Variants in SUGCT observed in about 807,000 individuals in gnomAD.
The protein encoded by SUGCT is succinyl-CoA:glutarate CoA-transferase.
In SUGCT, 41 loss-of-function variants were observed where a neutral mutation model predicts 55.0. The ratio of observed to expected loss-of-function variants is 0.74; its 90% CI spans 0.58 to 0.97. The LOEUF (loss-of-function observed/expected upper bound fraction) is 0.97, where lower values mean the gene tolerates loss of function less well. Ranked by LOEUF, SUGCT falls within the 50% of genes least tolerant of loss-of-function variation. The pLI is 0.00. For missense variants in SUGCT, 568 were observed against 547.8 expected, an observed-to-expected ratio of 1.04 and a Z score of -0.37; for synonymous variants, 187 against 200.4, an observed-to-expected ratio of 0.93 and a Z score of 0.56.
At chr7:40,854,483 T>C (rs1014082153) in intron 13 of SUGCT, among the ~76,000 whole-genome samples, 4 of 143,626 alleles carry the variant, frequency 2.8e-5, no homozygotes, top group South Asian at 2.2e-4. Context: ...TTTCTCTTTC[T>C]CTCTTTCTTT....
chr7:40,612,151 A>G (rs1221180939), intron 12 of SUGCT, among the ~76,000 whole-genome samples: 1 of 152,144 alleles, frequency 6.6e-6, no homozygotes, highest in Non-Finnish European at 1.5e-5. Context: ...CCGTTTTTCA[A>G]AGTACTTTAT....
At chr7:40,989,177 T>C in the SUGCT span, among the ~76,000 whole-genome samples, 111,393 of 152,014 alleles carry the variant, frequency 0.73, 41,207 homozygotes, top group Middle Eastern at 0.82. Flanking sequence ...CTAAATATGA[T>C]GACAATGAAT....
intron 9 of SUGCT, among the ~76,000 whole-genome samples, chr7:40,434,423 C>A (rs1788062798): frequency 6.6e-6 from 1 of 151,708 alleles, no homozygotes; most frequent in African/African-American, 2.4e-5. Context: ...TTCCTATAGT[C>A]ACACATAGAA....
intron 1 of SUGCT, among the ~76,000 whole-genome samples, chr7:40,167,746 G>A (rs1784486812): frequency 6.6e-6 from 1 of 152,212 alleles, no homozygotes; most frequent in South Asian, 2.1e-4. Flanking sequence ...GGCAATGGGT[G>A]CCTCACTGGA....
intron 1 of SUGCT, among the ~76,000 whole-genome samples, chr7:40,165,885 C>T (rs1173520960): frequency 2.0e-5 from 3 of 152,110 alleles, no homozygotes; most frequent in Non-Finnish European, 2.9e-5. Flanking sequence ...TTTGGGAGGC[C>T]GAGGCTGGTG....
chr7:40,214,182 T>C (rs2150802357), intron 6 of SUGCT, among the ~76,000 whole-genome samples: 1 of 152,286 alleles, frequency 6.6e-6, no homozygotes, highest in Admixed American at 6.5e-5. Flanking sequence ...TTCTTACTGA[T>C]AGAGTTTAAA....
the SUGCT span, among the ~76,000 whole-genome samples, chr7:40,917,299 A>G: frequency 6.6e-6 from 1 of 152,244 alleles, no homozygotes; most frequent in African/African-American, 2.4e-5. Flanking sequence ...CCTTTAGAAG[A>G]AGGAGCAGTT....
At chr7:40,293,704 T>A (rs1283042561) in intron 8 of SUGCT, among the ~76,000 whole-genome samples, 1 of 152,198 alleles carries the variant, frequency 6.6e-6, no homozygotes, top group Non-Finnish European at 1.5e-5. Context: ...TGTTTTAGGG[T>A]AAACCTGCAA....
At chr7:40,889,611 G>A in the SUGCT span, among the ~76,000 whole-genome samples, 1 of 152,220 alleles carries the variant, frequency 6.6e-6, no homozygotes, top group Non-Finnish European at 1.5e-5. Flanking sequence ...CCCAGGCTGA[G>A]ATCTCTTTCT....
At chr7:40,538,009 T>C (rs1488006679) in intron 12 of SUGCT, 1 of 152,190 alleles carries the variant, frequency 6.6e-6, no homozygotes, top group Non-Finnish European at 1.5e-5. Flanking sequence ...TATGAAACAT[T>C]GTTTCCTTTG....
chr7:40,712,736 C>T (rs1785791675), intron 12 of SUGCT, among the ~76,000 whole-genome samples: 1 of 152,240 alleles, frequency 6.6e-6, no homozygotes, highest in Non-Finnish European at 1.5e-5. Context: ...GAGTCTCTTA[C>T]CTGAGGCCAC....
intron 12 of SUGCT, among the ~76,000 whole-genome samples, chr7:40,549,826 T>A (rs906113551): frequency 6.6e-6 from 1 of 151,412 alleles, no homozygotes; most frequent in Non-Finnish European, 1.5e-5. Context: ...ATGAGGGGAG[T>A]GGACAGTGGA....
intron 6 of SUGCT, among the ~76,000 whole-genome samples, chr7:40,198,335 T>C (rs567000502): frequency 3.0e-4 from 45 of 152,334 alleles, no homozygotes; most frequent in African/African-American, 1.1e-3. Flanking sequence ...CTTAGACATA[T>C]CAATAAGTAA....
the SUGCT span, among the ~76,000 whole-genome samples, chr7:40,980,384 C>A: frequency 7.2e-5 from 11 of 152,060 alleles, no homozygotes; most frequent in African/African-American, 2.4e-4. Context: ...AAATTCATGC[C>A]CTTATTGCAT....
intron 12 of SUGCT, among the ~76,000 whole-genome samples, chr7:40,565,987 A>ACACG (rs1554368985): frequency 4.3e-5 from 4 of 94,016 alleles, no homozygotes; most frequent in African/African-American, 2.1e-4. Context: ...ACACACACAC[A>ACACG]CACACGCACA....
At chr7:40,249,172 G>C (rs1790135301) in intron 7 of SUGCT, among the ~76,000 whole-genome samples, 1 of 150,948 alleles carries the variant, frequency 6.6e-6, no homozygotes, top group Non-Finnish European at 1.5e-5. Context: ...TGAACCTGCA[G>C]TCCCAGCTAC....
At chr7:40,815,849 C>A (rs767909017) in intron 13 of SUGCT, among the ~76,000 whole-genome samples, 1 of 152,114 alleles carries the variant, frequency 6.6e-6, no homozygotes, top group Non-Finnish European at 1.5e-5. Context: ...GTGAATGGAG[C>A]GGCAAGAGCT....
At chr7:40,242,934 T>TATATATATGTATATGTATA (rs1491495282) in intron 7 of SUGCT, among the ~76,000 whole-genome samples, 1 of 18,044 alleles carries the variant, frequency 5.5e-5, no homozygotes, top group African/African-American at 1.9e-4. Flanking sequence ...TATATATATA[T>TATATATATGTATATGTATA]TTTTTTTTTT....
chr7:40,178,283 C>G (rs10261251), intron 1 of SUGCT, among the ~76,000 whole-genome samples: 77,546 of 151,950 alleles, frequency 0.51, 20,192 homozygotes, highest in Middle Eastern at 0.65. Flanking sequence ...AGTCCTCTGT[C>G]TCCTATAGCT....
Sources: gnomAD v4.1 joint callset for allele counts (sites outside exome capture counted in the v4.1 genomes callset) on GRCh38, gnomAD v4.1.1 for gene constraint, MANE v1.5 for transcripts, NCBI Gene and HGNC (gene_info 2026-07-23, HGNC 2026-07-21) for gene names.